Variants in SDK1 observed in about 807,000 individuals in gnomAD.
The protein encoded by SDK1 is sidekick cell adhesion molecule 1.
SDK1 carries 157 observed loss-of-function variants against 245.5 expected under a neutral mutation model. The observed-to-expected ratio is 0.64, with a 90% CI of 0.56 to 0.73. SDK1 has a LOEUF of 0.73. SDK1 is among the 30% of genes least tolerant of loss of function. The pLI is 0.00. For missense variants in SDK1, 3,583 were observed against 3,002.3 expected (o/e 1.19, Z -4.52); for synonymous variants, 1,647 against 1,278.5 (o/e 1.29, Z -6.15).
At chr7:4,218,557 A>G (rs1784965090) in intron 38 of SDK1, among the ~76,000 whole-genome samples, 1 of 152,168 alleles carries the variant, frequency 6.6e-6, no homozygotes, top group Admixed American at 6.5e-5. Flanking sequence ...TGAAAGATGG[A>G]CCCGTTTTGT....
chr7:4,243,692 A>G (rs1786666577), intron 43 of SDK1, among the ~76,000 whole-genome samples: 1 of 152,260 alleles, frequency 6.6e-6, no homozygotes, highest in African/African-American at 2.4e-5. Flanking sequence ...AGTACCTCCC[A>G]CCAGGTCCCT....
intron 5 of SDK1, among the ~76,000 whole-genome samples, chr7:3,853,784 A>G (rs1780474668): frequency 6.6e-6 from 1 of 152,094 alleles, no homozygotes; most frequent in African/African-American, 2.4e-5. Context: ...AGGTCAAGAC[A>G]TTGAGACCAT....
At chr7:3,315,002 T>C (rs1412272831) in intron 1 of SDK1, among the ~76,000 whole-genome samples, 1 of 152,130 alleles carries the variant, frequency 6.6e-6, no homozygotes, top group Non-Finnish European at 1.5e-5. Context: ...TTCCTTACTT[T>C]AGGGAGCAAG....
intron 35 of SDK1, among the ~76,000 whole-genome samples, chr7:4,203,437 C>T (rs554141242): frequency 1.3e-5 from 2 of 152,258 alleles, no homozygotes; most frequent in Admixed American, 6.5e-5. Flanking sequence ...GCACCTTTCC[C>T]TTTAAATGCC....
chr7:3,648,258 G>T (rs945917681), intron 4 of SDK1, among the ~76,000 whole-genome samples: 1 of 152,136 alleles, frequency 6.6e-6, no homozygotes, highest in African/African-American at 2.4e-5. Context: ...TATTTATGTT[G>T]GTAGTTATCA....
chr7:4,146,918 G>A (rs1780023162), intron 29 of SDK1, among the ~76,000 whole-genome samples: 1 of 152,158 alleles, frequency 6.6e-6, no homozygotes, highest in African/African-American at 2.4e-5. Flanking sequence ...GCTGAGATTT[G>A]GACTCCCCTC....
intron 1 of SDK1, among the ~76,000 whole-genome samples, chr7:3,447,930 C>G (rs1442152046): frequency 2.6e-5 from 4 of 151,510 alleles, no homozygotes; most frequent in Non-Finnish European, 4.4e-5. Flanking sequence ...TCTCGAATTC[C>G]CGAGCTCAGG....
intron 1 of SDK1, among the ~76,000 whole-genome samples, chr7:3,508,677 G>C (rs1207670062): frequency 2.6e-5 from 4 of 152,162 alleles, no homozygotes; most frequent in African/African-American, 4.8e-5. Flanking sequence ...AATTTCAAGA[G>C]ACCTTTCCTG....
chr7:3,664,930 T>C (rs1474110860), intron 4 of SDK1, among the ~76,000 whole-genome samples: 1 of 152,142 alleles, frequency 6.6e-6, no homozygotes, highest in African/African-American at 2.4e-5. Context: ...TGGAGGACAG[T>C]CTGTCATTTT....
intron 22 of SDK1, among the ~76,000 whole-genome samples, chr7:4,106,944 C>G (rs1050604180): frequency 6.6e-6 from 1 of 151,920 alleles, no homozygotes; most frequent in African/African-American, 2.4e-5. Flanking sequence ...CCCCAGGCCT[C>G]AGGTGAATGC....
chr7:3,657,406 C>T (rs1290946181), intron 4 of SDK1, among the ~76,000 whole-genome samples: 1 of 152,066 alleles, frequency 6.6e-6, no homozygotes, highest in African/African-American at 2.4e-5. Flanking sequence ...CACACCCTGC[C>T]GAGTCCTGGA....
chr7:3,744,587 A>G (rs10276906), intron 4 of SDK1, among the ~76,000 whole-genome samples: 12,803 of 152,202 alleles, frequency 0.084, 1,702 homozygotes, highest in African/African-American at 0.28. Context: ...CGAGATGGGC[A>G]GATCACAAAG....
chr7:3,809,062 G>C (rs1041453784), intron 4 of SDK1, among the ~76,000 whole-genome samples: 3 of 152,028 alleles, frequency 2.0e-5, no homozygotes, highest in Admixed American at 2.0e-4. Context: ...TAAAGAAAAA[G>C]GGTTGAATTG....
chr7:3,775,162 G>A (rs976720918), intron 4 of SDK1, among the ~76,000 whole-genome samples: 2 of 152,160 alleles, frequency 1.3e-5, no homozygotes, highest in African/African-American at 2.4e-5. Context: ...ATGTGCTATT[G>A]GTTTTCAGTA....
chr7:4,258,494 T>C (rs1039081583), intron 44 of SDK1, among the ~76,000 whole-genome samples: 2 of 152,198 alleles, frequency 1.3e-5, no homozygotes, highest in East Asian at 1.9e-4. Context: ...GACTCACCCA[T>C]ATAAATAGCG....
chr7:4,104,060 C>T (rs1782752782), intron 22 of SDK1, among the ~76,000 whole-genome samples: 1 of 152,238 alleles, frequency 6.6e-6, no homozygotes, highest in Non-Finnish European at 1.5e-5. Context: ...AGTACTAGAG[C>T]CCTGCTTGTT....
chr7:4,030,329 CAG>C (rs1302740369), intron 17 of SDK1, among the ~76,000 whole-genome samples: 6 of 152,350 alleles, frequency 3.9e-5, no homozygotes, highest in Admixed American at 2.0e-4. Flanking sequence ...ACGCAGAAGA[CAG>C]AGGGGAACCA....
intron 8 of SDK1, among the ~76,000 whole-genome samples, chr7:3,960,058 T>A (rs1781561693): frequency 6.6e-6 from 1 of 152,242 alleles, no homozygotes; most frequent in Non-Finnish European, 1.5e-5. Context: ...CTAAGGATAG[T>A]ATTTTCTCCT....
At chr7:3,314,653 G>A (rs1034796439) in intron 1 of SDK1, among the ~76,000 whole-genome samples, 3 of 152,212 alleles carry the variant, frequency 2.0e-5, no homozygotes, top group Non-Finnish European at 4.4e-5. Flanking sequence ...TGGAAAGACA[G>A]AGGCCATCTG....
Sources: allele counts gnomAD v4.1 joint callset (sites outside exome capture counted in the v4.1 genomes callset), GRCh38; gene constraint gnomAD v4.1.1; transcripts MANE v1.5; gene names NCBI Gene and HGNC (gene_info 2026-07-23, HGNC 2026-07-21).